KALRN: variants seen among roughly 807,000 people sequenced by gnomAD.
KALRN encodes the protein kalirin.
Under a neutral mutation model 353.7 loss-of-function variants are expected in KALRN, and 70 were observed. The observed-to-expected ratio is 0.20, with a 90% CI of 0.16 to 0.24. The LOEUF is 0.24. KALRN is among the 10% of genes least tolerant of loss of function. KALRN has a pLI of 1.00. For synonymous variants in KALRN, 1,391 were observed against 1,434.8 expected (o/e 0.97, Z 0.69); for missense variants, 2,791 against 3,756.7 (o/e 0.74, Z 6.72).
rs560861089 is a variant in KALRN at position 124,364,027 on chromosome 3, A to C, written c.1770+16762A>C. Among the ~76,000 whole-genome samples the C allele has an allele frequency of 2.4e-4, 36 of 152,354 alleles. 1 individual carries two copies. Among genetic ancestry groups the C allele is most frequent in the Non-Finnish European group, 2.5e-4 (17 of 68,032 alleles). On this transcript the variant is annotated intron_variant, in intron 10 of 59. Coordinates refer to ENST00000682506, the MANE Select transcript of KALRN (RefSeq NM_001388419.1). ...AAGCAGTGTTGCCCCACTTCAAGACAGCAAGGGAGTGCTACAGTGCTTCTT... is the reference window on the plus strand; with the variant it reads ...AAGCAGTGTTGCCCCACTTCAAGACCGCAAGGGAGTGCTACAGTGCTTCTT...
intron 1 of KALRN, among the ~76,000 whole-genome samples, chr3:124,146,614 A>ACGCCTGTAATCCCAGCAC (rs1402220011): frequency 6.6e-6 from 1 of 152,142 alleles, no homozygotes; most frequent in Non-Finnish European, 1.5e-5. Context: ...TCAGTGTCTC[A>ACGCCTGTAATCCCAGCAC]CGCCTGTAAT....
intron 17 of KALRN, among the ~76,000 whole-genome samples, chr3:124,437,376 A>G (rs1363669902): frequency 1.3e-5 from 2 of 152,226 alleles, no homozygotes; most frequent in Admixed American, 1.3e-4. Flanking sequence ...TCATAACTCA[A>G]TGAATGCCCT....
chr3:124,572,172 A>C (rs907731656), intron 34 of KALRN, among the ~76,000 whole-genome samples: 12 of 151,470 alleles, frequency 7.9e-5, no homozygotes, highest in African/African-American at 2.7e-4. Context: ...AAAATACAAA[A>C]AATTAGCTGG....
At chr3:124,491,925 G>A (rs1456504431) in intron 31 of KALRN, among the ~76,000 whole-genome samples, 1 of 152,256 alleles carries the variant, frequency 6.6e-6, no homozygotes. Context: ...ATTAGCATGG[G>A]GACCATGCTG....
chr3:124,518,822 G>A (rs2066915732), intron 33 of KALRN: 2 of 1,145,964 alleles, frequency 1.7e-6, no homozygotes, highest in African/African-American at 3.1e-5. Flanking sequence ...CTAGAGGTCT[G>A]CAACATGAGT....
intron 29 of KALRN, among the ~76,000 whole-genome samples, chr3:124,489,456 TG>T (rs1210952566): frequency 2.7e-4 from 41 of 152,312 alleles, no homozygotes; most frequent in Non-Finnish European, 5.6e-4. Context: ...AACACCACCT[TG>T]GGAGACTTGA....
chr3:124,346,556 G>A (rs529389558), intron 9 of KALRN, among the ~76,000 whole-genome samples: 3 of 152,314 alleles, frequency 2.0e-5, no homozygotes, highest in South Asian at 4.1e-4. Context: ...TCGATTGGAG[G>A]AGGGAGATGG....
intron 33 of KALRN, among the ~76,000 whole-genome samples, chr3:124,560,549 G>A (rs2071852000): frequency 6.6e-6 from 1 of 152,232 alleles, no homozygotes; most frequent in African/African-American, 2.4e-5. Flanking sequence ...CTATTCACAT[G>A]TAGTGTTCCC....
chr3:124,698,810 T>G (rs1427933240), intron 55 of KALRN, among the ~76,000 whole-genome samples: 2 of 152,204 alleles, frequency 1.3e-5, no homozygotes, highest in Admixed American at 1.3e-4. Context: ...CTGTTAAAAT[T>G]TGTTACATTT....
chr3:124,674,335 G>A lies in KALRN; in HGVS notation c.6943-29G>A, dbSNP rs768401572. The A allele has an allele frequency of 6.9e-6, 11 of 1,595,566 alleles. No homozygotes were observed. The African/African-American group carries it at 9.4e-5, about 14-fold the overall frequency. On this transcript the variant is annotated intron_variant, in intron 48 of 59. Transcript: ENST00000682506. Reference sequence around the variant, plus strand: ...CATGTGAACTAGCGTCCTTGTGTTTGTGCCCCTCTCACCCTTATCTCCCAG... The same window carrying A: ...CATGTGAACTAGCGTCCTTGTGTTTATGCCCCTCTCACCCTTATCTCCCAG...
intron 1 of KALRN, among the ~76,000 whole-genome samples, chr3:124,183,544 C>A (rs548963971): frequency 6.6e-6 from 1 of 152,166 alleles, no homozygotes; most frequent in Non-Finnish European, 1.5e-5. Context: ...GATTGCATTT[C>A]AACATAAGAT....
intron 1 of KALRN, among the ~76,000 whole-genome samples, chr3:124,061,018 C>G (rs2041954977): frequency 6.6e-6 from 1 of 152,190 alleles, no homozygotes; most frequent in African/African-American, 2.4e-5. Flanking sequence ...TTACAAAGCA[C>G]AGGTTCAAAA....
Position 124,264,478 on chromosome 3 carries a change from G to T in KALRN, c.264-20G>T, listed in dbSNP as rs544559346. On this transcript the variant is annotated intron_variant, in intron 3 of 59. Coordinates refer to ENST00000682506, the MANE Select transcript of KALRN (RefSeq NM_001388419.1). ...CTCAGCTACCCAGAGTGACCATACC[G>T]ACCTCTGACCTCCCCACAGTGAGGA... 1.9e-6 allele frequency: 3 copies of T among 1,609,894 alleles called. No homozygotes were observed. Among genetic ancestry groups the T allele is most frequent in the Admixed American group, 3.3e-5 (2 of 59,864 alleles).
intron 3 of KALRN, among the ~76,000 whole-genome samples, chr3:124,250,320 C>A (rs570287404): frequency 3.3e-5 from 5 of 152,218 alleles, no homozygotes; most frequent in African/African-American, 9.6e-5. Flanking sequence ...TGTGGGGGTT[C>A]CTGTGAGAGG....
intron 51 of KALRN, among the ~76,000 whole-genome samples, chr3:124,692,184 C>T (rs2061848207): frequency 6.6e-6 from 1 of 152,192 alleles, no homozygotes; most frequent in South Asian, 2.1e-4. Flanking sequence ...TTTAAGGCTG[C>T]CCAGGTCAGG....
intron 1 of KALRN, among the ~76,000 whole-genome samples, chr3:124,061,159 C>A (rs756930272): frequency 2.6e-5 from 4 of 152,182 alleles, no homozygotes; most frequent in Non-Finnish European, 4.4e-5. Context: ...GAGGGGAATT[C>A]TACCTTGTGA....
At chr3:124,324,991 C>T (rs146303837) in intron 6 of KALRN, among the ~76,000 whole-genome samples, 1 of 152,284 alleles carries the variant, frequency 6.6e-6, no homozygotes, top group Non-Finnish European at 1.5e-5. Context: ...CACAACCTTA[C>T]CTGATTGTTT....
At chr3:124,193,584 T>A (rs754225347) in intron 1 of KALRN, among the ~76,000 whole-genome samples, 12 of 152,102 alleles carry the variant, frequency 7.9e-5, no homozygotes, top group Non-Finnish European at 1.6e-4. Context: ...TACTCCTTTC[T>A]ACATATACAA....
rs769865594 is a variant in KALRN at position 124,664,364 on chromosome 3, T to TGC, written c.6346-2084_6346-2083insCG. On this transcript the variant is annotated intron_variant, in intron 45 of 59. Coordinates refer to ENST00000682506, the MANE Select transcript of KALRN (RefSeq NM_001388419.1). ...GTGTGTGTGTGTGTGTGTGTGTGTG[T>TGC]GTGTGTGCGCGCGCGCGCATATAAG... 2.6e-3 allele frequency among the ~76,000 whole-genome samples: 335 copies of TGC among 127,066 alleles called. 3 individuals carry two copies. The highest frequency in any genetic ancestry group is 2.6e-3 in the South Asian group (11 of 4,220). The allele number at this position is 127,066 out of a possible 152,430, so 83.4% of individuals were successfully genotyped here. A position where few individuals can be genotyped will look rare whatever the true frequency, so the allele number is the denominator to read the frequency against.
Sources: gnomAD v4.1 joint callset for allele counts (sites outside exome capture counted in the v4.1 genomes callset) on GRCh38, gnomAD v4.1.1 for gene constraint, MANE v1.5 for transcripts, NCBI Gene and HGNC (gene_info 2026-07-23, HGNC 2026-07-21) for gene names.